Variants in GALNT2 observed in about 807,000 individuals in gnomAD.
The protein encoded by GALNT2 is polypeptide N-acetylgalactosaminyltransferase 2, also known as UDP-GalNAc:polypeptide N-acetylgalactosaminyltransferase 2.
Under a neutral mutation model 81.4 loss-of-function variants are expected in GALNT2, and 31 were observed. The ratio of observed to expected loss-of-function variants is 0.38; its 90% confidence interval spans 0.29 to 0.51. The LOEUF (loss-of-function observed/expected upper bound fraction) is 0.51, where lower values mean the gene tolerates loss of function less well. GALNT2 is among the 20% of genes least tolerant of loss of function. The pLI is 0.87. For synonymous variants in GALNT2, 303 were observed against 287.4 expected, an observed-to-expected ratio of 1.05 and a Z score of -0.55; for missense variants, 629 against 765.7, an observed-to-expected ratio of 0.82 and a Z score of 2.11.
chr1:230,211,050 C>G (rs559783781), intron 3 of GALNT2, among the ~76,000 whole-genome samples: 218 of 152,306 alleles, frequency 1.4e-3, no homozygotes, highest in African/African-American at 5.1e-3. Flanking sequence ...TAGGGAAATC[C>G]ACACAGCTCC....
intron 1 of GALNT2, among the ~76,000 whole-genome samples, chr1:230,109,487 T>C (rs1660640049): frequency 6.6e-6 from 1 of 152,208 alleles, no homozygotes; most frequent in Admixed American, 6.5e-5. Context: ...AGAGGCACCA[T>C]TGTCCACCAC....
chr1:230,204,957 AG>A (rs1664015705), intron 3 of GALNT2, among the ~76,000 whole-genome samples: 1 of 151,992 alleles, frequency 6.6e-6, no homozygotes, highest in Non-Finnish European at 1.5e-5. Context: ...AATACTTTTG[AG>A]GCACTCAGGA....
At chr1:230,108,821 CCCGGCATTGT>C (rs1251295401) in intron 1 of GALNT2, among the ~76,000 whole-genome samples, 1 of 150,338 alleles carries the variant, frequency 6.7e-6, no homozygotes, top group East Asian at 2.0e-4. Flanking sequence ...ACTGACATTG[CCCGGCATTGT>C]CAGAGACTAT....
At chr1:230,067,505 C>A in intron 1 of GALNT2, 99 bp downstream of exon 1, 1 of 398,558 alleles carries the variant, frequency 2.5e-6, no homozygotes. Context: ...GCTCCTCCGC[C>A]CGGACCTCCG....
In GALNT2 at chr1:230,067,472, T is replaced by C. The variant is rs1187122290; in HGVS notation, c.126+66T>C. The C allele has an allele frequency of 2.6e-5, 12 of 456,920 alleles. No homozygotes were observed. The East Asian group carries it at 9.1e-4, about 35-fold the overall frequency. The allele number at this position is 456,920 out of a possible 1,614,324, so 28.3% of individuals were successfully genotyped here. On this transcript the variant is annotated intron_variant, in intron 1 of 15. Transcript: ENST00000366672. Reference sequence around the variant, plus strand: ...CCCCCCACCCTGCGCCCCTGTCCCCTGCCCTCTCCGCGCCGCCCCTGCGCT... The same window carrying C: ...CCCCCCACCCTGCGCCCCTGTCCCCCGCCCTCTCCGCGCCGCCCCTGCGCT...
At position 230,203,213 on chromosome 1, in the gene GALNT2, C is replaced by G; in HGVS notation, c.297C>G (p.Tyr99Ter). 1 of 1,614,190 alleles carries G rather than the reference C, an allele frequency of 6.2e-7. No individual in the cohort carries two copies. The highest frequency in any genetic ancestry group is 8.5e-7 in the Non-Finnish European group (1 of 1,180,026). ...TGGTCCGCTCCGGGCAGGACCCTTA[C>G]GCCCGCAACAAGTTCAACCAGGTGG... ...GTMVRSGQDP[Y>*]ARNKFNQVES... is the part of the protein sequence containing the mutation. Residue 99 changes from tyrosine to a stop codon, truncating the protein, a stop_gained, in exon 3 of 16, where the codon TAC becomes TAG. Coordinates refer to ENST00000366672, the MANE Select transcript of GALNT2 (RefSeq NM_004481.5). LOFTEE classifies it high-confidence loss of function.
At chr1:230,175,645 T>TC (rs1204275572) in intron 1 of GALNT2, among the ~76,000 whole-genome samples, 2 of 89,588 alleles carry the variant, frequency 2.2e-5, no homozygotes, top group Non-Finnish European at 4.3e-5. Context: ...CCTTTCCCTC[T>TC]CCCCCTCCTC....
At chr1:230,172,534 C>A (rs759339700) in intron 1 of GALNT2, among the ~76,000 whole-genome samples, 1 of 152,152 alleles carries the variant, frequency 6.6e-6, no homozygotes, top group Non-Finnish European at 1.5e-5. Flanking sequence ...CTTCTGGATC[C>A]TTTTTGCCAA....
intron 1 of GALNT2, among the ~76,000 whole-genome samples, chr1:230,117,296 A>G (rs185135914): frequency 1.3e-5 from 2 of 152,382 alleles, no homozygotes; most frequent in African/African-American, 4.8e-5. Flanking sequence ...TCTTCTATCC[A>G]GACTGCTCAC....
intron 1 of GALNT2, among the ~76,000 whole-genome samples, chr1:230,068,977 G>A (rs549294853): frequency 6.6e-6 from 1 of 152,310 alleles, no homozygotes; most frequent in Admixed American, 6.5e-5. Flanking sequence ...TTTGCTTCCC[G>A]GTAAACTGTG....
intron 1 of GALNT2, among the ~76,000 whole-genome samples, chr1:230,094,497 G>A (rs189387769): frequency 1.2e-4 from 19 of 152,202 alleles, no homozygotes; most frequent in Admixed American, 1.0e-3. Context: ...AATTAGCCAG[G>A]CGTGGTAGCA....
At chr1:230,135,829 G>C (rs1365241704) in intron 1 of GALNT2, among the ~76,000 whole-genome samples, 1 of 151,948 alleles carries the variant, frequency 6.6e-6, no homozygotes, top group Non-Finnish European at 1.5e-5. Context: ...GGGACTACAG[G>C]TGTGCACCAC....
chr1:230,153,995 T>C (rs1204989904), intron 1 of GALNT2, among the ~76,000 whole-genome samples: 1 of 152,250 alleles, frequency 6.6e-6, no homozygotes, highest in Non-Finnish European at 1.5e-5. Context: ...TTATAAAGAC[T>C]CAGAAATGGT....
chr1:230,183,639 CTAT>C (rs1663227505), intron 2 of GALNT2, among the ~76,000 whole-genome samples: 1 of 152,104 alleles, frequency 6.6e-6, no homozygotes, highest in South Asian at 2.1e-4. Context: ...TATATTGTTG[CTAT>C]TATTATTTCA....
chr1:230,225,336 T>C (rs1664673985), intron 3 of GALNT2, among the ~76,000 whole-genome samples: 1 of 152,230 alleles, frequency 6.6e-6, no homozygotes, highest in African/African-American at 2.4e-5. Flanking sequence ...AATGTGAAGC[T>C]GAACATCTTG....
chr1:230,233,390 A>G (rs1234571729), intron 3 of GALNT2, among the ~76,000 whole-genome samples: 1 of 152,220 alleles, frequency 6.6e-6, no homozygotes, highest in Non-Finnish European at 1.5e-5. Flanking sequence ...CAAGGCAGGC[A>G]GATCACGAGG....
At position 230,257,062 on chromosome 1, in the gene GALNT2, G is replaced by T. The variant is rs1665736775; in HGVS notation, c.1136+1718G>T. Among the ~76,000 whole-genome samples, 1 of 152,250 alleles carries T rather than the reference G, an allele frequency of 6.6e-6. No individual in the cohort carries two copies. The highest frequency in any genetic ancestry group is 1.5e-5 in the Non-Finnish European group (1 of 68,038). ...ATCAGCCAAATGGAAGCCAAGGGTA[G>T]CTGGAACCTAGAGAGTAAGGGGACA... is the stretch of plus-strand genomic sequence containing the variant. On this transcript the variant is annotated intron_variant, in intron 11 of 15. Transcript: ENST00000366672. The surrounding 1 kb of genome is among the most constrained non-coding windows in gnomAD (Gnocchi z 4.6).
At chr1:230,091,038 G>A (rs1338162343) in intron 1 of GALNT2, among the ~76,000 whole-genome samples, 5 of 151,958 alleles carry the variant, frequency 3.3e-5, no homozygotes, top group Non-Finnish European at 7.4e-5. Flanking sequence ...CCTGGGGTGT[G>A]TGTACTCCGC....
At chr1:230,214,064 T>C (rs1664311779) in intron 3 of GALNT2, among the ~76,000 whole-genome samples, 1 of 152,196 alleles carries the variant, frequency 6.6e-6, no homozygotes, top group Non-Finnish European at 1.5e-5. Flanking sequence ...AGTCCCAGTA[T>C]GTTGGCAATG....
Sources: gnomAD v4.1 joint callset for allele counts (sites outside exome capture counted in the v4.1 genomes callset) on GRCh38, gnomAD v4.1.1 for gene constraint, Gnocchi (gnomAD v3.1) non-coding constraint, MANE v1.5 for transcripts, NCBI Gene and HGNC (gene_info 2026-07-23, HGNC 2026-07-21) for gene names.